Variants in PCDHGA7 observed in about 807,000 individuals in gnomAD.
PCDHGA7 encodes protocadherin gamma-A7.
Under a neutral mutation model 58.3 loss-of-function variants are expected in PCDHGA7, and 44 were observed. That is an observed-to-expected ratio of 0.75 (90% CI 0.59 to 0.97). The LOEUF is 0.97. Ranked by LOEUF, PCDHGA7 falls within the 50% of genes least tolerant of loss-of-function variation. PCDHGA7 has a pLI of 0.00. For synonymous variants in PCDHGA7, 516 were observed against 504.2 expected (o/e 1.02, Z -0.31); for missense variants, 1,266 against 1,188.7 (o/e 1.06, Z -0.96).
In PCDHGA7 at chr5:141,384,703, G is replaced by A. The variant is rs776947081; in HGVS notation, c.1804G>A (p.Ala602Thr). 6.2e-7 allele frequency: 1 copy of A among 1,614,100 alleles called. No individual in the cohort carries two copies. The highest frequency in any genetic ancestry group is 1.1e-5 in the South Asian group (1 of 91,082). Residue 602 changes from alanine (A) to threonine (T), a missense_variant, in exon 1 of 4, where the codon GCC becomes ACC. Physicochemically the swap from Ala to Thr is moderately conservative, Grantham distance 58. Transcript: ENST00000518325. ...VAVDKDSGQN[A>T]WLSYLLLKAS... ...GGTGGACAAAGATTCAGGCCAGAAC[G>A]CCTGGCTGTCATACCTCCTGCTTAA...
chr5:141,510,015 A>G (rs2099879210), intron 3 of PCDHGA7, among the ~76,000 whole-genome samples: 1 of 152,210 alleles, frequency 6.6e-6, no homozygotes, highest in Non-Finnish European at 1.5e-5. Flanking sequence ...GTCATACCAC[A>G]TAGCTGGCTG....
At chr5:141,389,118 C>T in intron 1 of PCDHGA7, 1 of 1,614,006 alleles carries the variant, frequency 6.2e-7, no homozygotes, top group Non-Finnish European at 8.5e-7. Context: ...AGACCGCGAG[C>T]AGAATCCAGA....
Position 141,476,278 on chromosome 5 carries a change from T to C in PCDHGA7, c.2425-18529T>C, listed in dbSNP as rs746655724. On this transcript the variant is annotated intron_variant, in intron 1 of 3. Transcript: ENST00000518325. The surrounding 1 kb of genome is among the most constrained non-coding windows in gnomAD (Gnocchi z 7.6). ...CTGTGGGCAACGTGGTCGCGAACCTTGGTTTGGATCTCGGTAGCCTCTCAG... is the reference window on the plus strand; with the variant it reads ...CTGTGGGCAACGTGGTCGCGAACCTCGGTTTGGATCTCGGTAGCCTCTCAG... The C allele has an allele frequency of 3.2e-5, 52 of 1,613,758 alleles. No homozygotes were observed. Among genetic ancestry groups the C allele is most frequent in the Non-Finnish European group, 4.2e-5 (49 of 1,179,958 alleles).
chr5:141,455,406 C>A (rs991797932), intron 1 of PCDHGA7, among the ~76,000 whole-genome samples: 1 of 152,108 alleles, frequency 6.6e-6, no homozygotes, highest in Non-Finnish European at 1.5e-5. Flanking sequence ...CTTACAGAGA[C>A]AGAGGGAGCG....
At chr5:141,398,611 A>G (rs2093677658) in intron 1 of PCDHGA7, 4 of 1,613,944 alleles carry the variant, frequency 2.5e-6, no homozygotes, top group African/African-American at 1.3e-5. Context: ...AGATGCAGAT[A>G]TTGGCTTAAA....
In PCDHGA7 at chr5:141,491,638, G is replaced by A. The variant is rs2099723160; in HGVS notation, c.2425-3169G>A. The A allele has an allele frequency of 6.2e-7, 1 of 1,613,898 alleles. No individual in the cohort carries two copies. The highest frequency in any genetic ancestry group is 1.3e-5 in the African/African-American group (1 of 75,074). ...ACCCCTCAGCGTTCAGCAGCCCACA[G>A]CTCTGGCGCTGGAGCCTGACGCCAT... On this transcript the variant is annotated intron_variant, in intron 1 of 3. Coordinates refer to ENST00000518325, the MANE Select transcript of PCDHGA7 (RefSeq NM_018920.4). The surrounding 1 kb of genome is among the most constrained non-coding windows in gnomAD (Gnocchi z 6.9).
At position 141,478,147 on chromosome 5, in the gene PCDHGA7, C is replaced by T. The variant is rs199689679; in HGVS notation, c.2425-16660C>T. On this transcript the variant is annotated intron_variant, in intron 1 of 3. Transcript: ENST00000518325. The stretch of plus-strand genomic sequence containing the variant: ...ACTCTCCTGAAGCCCGAGCCGAGTT[C>T]CCCTCTGGCTCTGCCCCCCGGGAGC... The T allele has an allele frequency of 2.0e-5, 32 of 1,614,076 alleles. 1 individual carries two copies. In the East Asian group the frequency reaches 5.3e-4, roughly 27 times the overall value.
At chr5:141,427,863 G>A (rs769808388) in intron 1 of PCDHGA7, 1 of 1,557,316 alleles carries the variant, frequency 6.4e-7, no homozygotes, top group Non-Finnish European at 8.8e-7. Context: ...GTGCGCCTTC[G>A]AGCTCACGAT....
rs754652710 is a variant in PCDHGA7 at position 141,476,367 on chromosome 5, G to A, written c.2425-18440G>A. Reference sequence around the variant, plus strand: ...TTCTTTGAGGTGAACCGGGAGACCGGAGAGATGTTTGTGAACGACCGTCTG... The same window carrying A: ...TTCTTTGAGGTGAACCGGGAGACCGAAGAGATGTTTGTGAACGACCGTCTG... On this transcript the variant is annotated intron_variant, in intron 1 of 3. Coordinates refer to ENST00000518325, the MANE Select transcript of PCDHGA7 (RefSeq NM_018920.4). The surrounding 1 kb of genome is among the most constrained non-coding windows in gnomAD (Gnocchi z 7.6). The A allele has an allele frequency of 2.5e-6, 4 of 1,614,172 alleles. No homozygotes were observed. In the South Asian group the frequency reaches 3.3e-5, roughly 13 times the overall value.
rs371979287 is a variant in PCDHGA7, at chr5:141,384,185, C to A, written c.1286C>A (p.Thr429Asn). The change falls in exon 1 of 4, where the codon ACT (threonine) becomes AAT (asparagine). Residue 429 changes from threonine to asparagine, a missense_variant. Physicochemically the swap from Thr to Asn is moderately conservative, Grantham distance 65 (BLOSUM62 0). Transcript: ENST00000518325. Reference sequence around the variant, plus strand: ...ACACTGAAAGCCACAGATGGTGGAACTCCTCCCTTGTCCAGGGAAACTCAC... The same window carrying A: ...ACACTGAAAGCCACAGATGGTGGAAATCCTCCCTTGTCCAGGGAAACTCAC... ...NITLKATDGG[T>N]PPLSRETHIF... is the part of the protein sequence containing the mutation. The A allele has an allele frequency of 6.2e-7, 1 of 1,613,718 alleles. No homozygotes were observed. Among genetic ancestry groups the A allele is most frequent in the Non-Finnish European group, 8.5e-7 (1 of 1,179,848 alleles).
intron 1 of PCDHGA7, chr5:141,388,992 C>A: frequency 6.2e-7 from 1 of 1,613,952 alleles, no homozygotes; most frequent in Non-Finnish European, 8.5e-7. Flanking sequence ...GCTCAAAGTC[C>A]GTGACAAGGA....
chr5:141,393,787 G>A (rs1267376494), intron 1 of PCDHGA7: 3 of 1,613,930 alleles, frequency 1.9e-6, no homozygotes, highest in Non-Finnish European at 2.5e-6. Flanking sequence ...GAAGATGTGG[G>A]GGCACTTCTG....
chr5:141,420,963 A>T, intron 1 of PCDHGA7: 1 of 430,262 alleles, frequency 2.3e-6, no homozygotes, highest in Non-Finnish European at 4.1e-6. Flanking sequence ...TAGTCGTTGC[A>T]ATAATAAGAA....
In PCDHGA7 at chr5:141,389,786, C is replaced by T. The variant is rs368188508; in HGVS notation, c.2424+4463C>T. 6.2e-6 allele frequency: 10 copies of T among 1,613,252 alleles called. No homozygotes were observed. The African/African-American group carries it at 1.1e-4, about 17-fold the overall frequency. The stretch of plus-strand genomic sequence containing the variant: ...CAGCGCGTGCCTTAGGCGACAGGGA[C>T]GCCGTCCGCCAGCGCCTTCTGGTCG... On this transcript the variant is annotated intron_variant, in intron 1 of 3. Transcript: ENST00000518325.
At chr5:141,421,184 C>T (rs2096551183) in intron 1 of PCDHGA7, 4 of 1,457,822 alleles carry the variant, frequency 2.7e-6, no homozygotes, top group Non-Finnish European at 3.7e-6. Context: ...CGATTCACAA[C>T]CAACCAGCTC....
chr5:141,399,559 G>T (rs1589373313), intron 1 of PCDHGA7: 1 of 1,614,038 alleles, frequency 6.2e-7, no homozygotes, highest in African/African-American at 1.3e-5. Context: ...CCTGGACTTG[G>T]GGTTGAACGG....
intron 1 of PCDHGA7, among the ~76,000 whole-genome samples, chr5:141,448,796 T>G (rs1268643310): frequency 1.0e-4 from 15 of 150,106 alleles, no homozygotes; most frequent in Admixed American, 4.0e-4. Context: ...AAAAAAAAAA[T>G]TAGCCAGGCG....
At chr5:141,409,933 GGT>G in intron 1 of PCDHGA7, 1 of 1,613,354 alleles carries the variant, frequency 6.2e-7, no homozygotes, top group East Asian at 2.2e-5. Flanking sequence ...TCTTCGATAT[GGT>G]ACCTCGCTCT....
intron 1 of PCDHGA7, chr5:141,421,975 G>T: frequency 6.2e-7 from 1 of 1,610,052 alleles, no homozygotes; most frequent in African/African-American, 1.3e-5. Context: ...CGTATATCGC[G>T]TGAGTGTTCC....
Sources: allele counts gnomAD v4.1 joint callset (sites outside exome capture counted in the v4.1 genomes callset), GRCh38; gene constraint gnomAD v4.1.1; non-coding constraint Gnocchi (gnomAD v3.1); transcripts MANE v1.5; gene names NCBI Gene and HGNC (gene_info 2026-07-23, HGNC 2026-07-21).